GABBR2: variants seen among roughly 807,000 people sequenced by gnomAD.
GABBR2 encodes G-protein coupled receptor 51.
GABBR2 carries 23 observed loss-of-function variants against 105.6 expected under a neutral mutation model. The observed-to-expected ratio is 0.22, with a 90% CI of 0.16 to 0.31. GABBR2 has a LOEUF of 0.31. Among genes scored for constraint, GABBR2 ranks in the 10% least tolerant of loss-of-function variants. GABBR2 has a pLI of 1.00. For synonymous variants in GABBR2, 478 were observed against 499.7 expected, an observed-to-expected ratio of 0.96 and a Z score of 0.58; for missense variants, 734 against 1,245.5, an observed-to-expected ratio of 0.59 and a Z score of 6.18.
rs572531487 is a variant in GABBR2, at chr9:98,461,764, G to A, written c.1000-7547C>T. On this transcript the variant is annotated intron_variant, in intron 6 of 18. Coordinates refer to ENST00000259455, the MANE Select transcript of GABBR2 (RefSeq NM_005458.8). Reference sequence around the variant, plus strand: ...TTCTCCAGGTGCAGAATCAAGAATCGTGGTGCTGGCATCTGCTTCTGGTAA... The same window carrying A: ...TTCTCCAGGTGCAGAATCAAGAATCATGGTGCTGGCATCTGCTTCTGGTAA... Among the ~76,000 whole-genome samples, 14 of 152,286 alleles carry A rather than the reference G, an allele frequency of 9.2e-5. No individual in the cohort carries two copies. In the East Asian group the frequency reaches 1.3e-3, roughly 15 times the overall value.
At chr9:98,470,852 C>T (rs955852680) in intron 6 of GABBR2, among the ~76,000 whole-genome samples, 8 of 151,816 alleles carry the variant, frequency 5.3e-5, no homozygotes, top group South Asian at 2.1e-4. Flanking sequence ...TCTTGATTAC[C>T]GATGTATCTG....
intron 13 of GABBR2, among the ~76,000 whole-genome samples, chr9:98,337,155 A>G (rs1831129994): frequency 6.6e-6 from 1 of 152,066 alleles, no homozygotes; most frequent in African/African-American, 2.4e-5. Context: ...AAATACAAAA[A>G]TTAGCCAGGC....
intron 3 of GABBR2, among the ~76,000 whole-genome samples, chr9:98,508,061 G>T (rs919631793): frequency 1.3e-5 from 2 of 152,168 alleles, no homozygotes; most frequent in African/African-American, 4.8e-5. Flanking sequence ...ACTGCCCATT[G>T]CTTTAATTGT....
chr9:98,455,643 A>T (rs1404792687), intron 6 of GABBR2, among the ~76,000 whole-genome samples: 1 of 152,214 alleles, frequency 6.6e-6, no homozygotes, highest in African/African-American at 2.4e-5. Context: ...TTCTAAAGTC[A>T]TAATTGCTTT....
intron 1 of GABBR2, among the ~76,000 whole-genome samples, chr9:98,681,636 A>T (rs1025837323): frequency 2.6e-5 from 4 of 152,216 alleles, no homozygotes; most frequent in Non-Finnish European, 5.9e-5. Flanking sequence ...CTACTATAAA[A>T]TATTTTACCA....
intron 13 of GABBR2, among the ~76,000 whole-genome samples, chr9:98,333,692 A>G (rs1489457543): frequency 2.0e-5 from 3 of 152,206 alleles, no homozygotes; most frequent in Non-Finnish European, 2.9e-5. Flanking sequence ...ATAAGGCCAC[A>G]TTTCACAGGT....
intron 1 of GABBR2, chr9:98,607,380 T>A (rs1406470540): frequency 1.6e-5 from 11 of 682,738 alleles, no homozygotes; most frequent in Non-Finnish European, 2.4e-5. Context: ...AGCGTTTGCA[T>A]GAAACAGTAT....
intron 2 of GABBR2, among the ~76,000 whole-genome samples, chr9:98,571,140 C>T (rs900532416): frequency 2.6e-5 from 4 of 152,150 alleles, no homozygotes; most frequent in African/African-American, 9.7e-5. Flanking sequence ...CCATGGGGGG[C>T]TTTGCAAAGA....
At chr9:98,296,847 G>T (rs1028680522) in intron 17 of GABBR2, among the ~76,000 whole-genome samples, 1 of 151,422 alleles carries the variant, frequency 6.6e-6, no homozygotes. Flanking sequence ...TGATTTTTTT[G>T]ACTGTACTTA....
chr9:98,334,401 T>C (rs1831079265), intron 13 of GABBR2, among the ~76,000 whole-genome samples: 1 of 152,216 alleles, frequency 6.6e-6, no homozygotes, highest in Non-Finnish European at 1.5e-5. Flanking sequence ...AGGCTTGGGC[T>C]GGGTTCCAGT....
At chr9:98,434,242 C>T (rs555397453) in intron 7 of GABBR2, among the ~76,000 whole-genome samples, 13 of 152,336 alleles carry the variant, frequency 8.5e-5, no homozygotes, top group African/African-American at 3.1e-4. Flanking sequence ...CTTCCTTGCT[C>T]CTCAGCTTGC....
Position 98,531,672 on chromosome 9 carries a change from A to T in GABBR2, c.630+10201T>A, listed in dbSNP as rs1185517258. Among the ~76,000 whole-genome samples the T allele has an allele frequency of 2.0e-5, 3 of 152,246 alleles. No homozygotes were observed. In the East Asian group the frequency reaches 5.8e-4, roughly 29 times the overall value. On this transcript the variant is annotated intron_variant, in intron 3 of 18. Transcript: ENST00000259455. ...ACTGCTAGTGGGCTGCACTTCCCAC[A>T]GGGAACATTCACATGAAAGAACAAG...
chr9:98,672,967 G>C (rs1830424011), intron 1 of GABBR2, among the ~76,000 whole-genome samples: 1 of 152,172 alleles, frequency 6.6e-6, no homozygotes, highest in South Asian at 2.1e-4. Context: ...CTTCATTATA[G>C]TGTCATCTTC....
At chr9:98,705,456 T>C (rs1830881594) in intron 1 of GABBR2, among the ~76,000 whole-genome samples, 1 of 152,230 alleles carries the variant, frequency 6.6e-6, no homozygotes, top group South Asian at 2.1e-4. Flanking sequence ...TAAAGGTCCA[T>C]ACTGGTGCCC....
chr9:98,696,825 A>G (rs763772740), intron 1 of GABBR2, among the ~76,000 whole-genome samples: 5 of 152,142 alleles, frequency 3.3e-5, no homozygotes, highest in Non-Finnish European at 5.9e-5. Context: ...TAGAGAGCAG[A>G]TCTGTGTGAG....
At chr9:98,312,874 T>A (rs1383422515) in intron 13 of GABBR2, among the ~76,000 whole-genome samples, 3 of 152,082 alleles carry the variant, frequency 2.0e-5, no homozygotes, top group African/African-American at 4.8e-5. Context: ...CTCAGCCTCT[T>A]GAGTAGCTGG....
At chr9:98,407,200 G>A (rs981077191) in intron 7 of GABBR2, among the ~76,000 whole-genome samples, 10 of 152,278 alleles carry the variant, frequency 6.6e-5, no homozygotes, top group Admixed American at 6.5e-4. Context: ...TCACTGTTAT[G>A]CTTTTGTGTC....
At chr9:98,605,025 A>G (rs780174175) in intron 1 of GABBR2, among the ~76,000 whole-genome samples, 18 of 152,240 alleles carry the variant, frequency 1.2e-4, no homozygotes, top group Non-Finnish European at 2.5e-4. Context: ...CTGGTCTCCC[A>G]CCCACATCAC....
chr9:98,620,043 C>T (rs1829646405), intron 1 of GABBR2, among the ~76,000 whole-genome samples: 3 of 152,174 alleles, frequency 2.0e-5, no homozygotes, highest in African/African-American at 4.8e-5. Context: ...GTGAGAAACC[C>T]GTGAGATAGT....
Sources: allele counts gnomAD v4.1 joint callset (sites outside exome capture counted in the v4.1 genomes callset), GRCh38; gene constraint gnomAD v4.1.1; transcripts MANE v1.5; gene names NCBI Gene and HGNC (gene_info 2026-07-23, HGNC 2026-07-21).